Variants in INTS6 observed in about 807,000 individuals in gnomAD.
INTS6 encodes the protein DEAD box protein.
Under a neutral mutation model 104.9 loss-of-function variants are expected in INTS6, and 16 were observed. That is an observed-to-expected ratio of 0.15 (90% CI 0.10 to 0.23). The LOEUF (loss-of-function observed/expected upper bound fraction) is 0.23. Among genes scored for constraint, INTS6 ranks in the 10% least tolerant of loss-of-function variants. The pLI is 1.00. For missense variants in INTS6, 584 were observed against 1,062.8 expected, an observed-to-expected ratio of 0.55 and a Z score of 6.26; for synonymous variants, 324 against 358.7, an observed-to-expected ratio of 0.90 and a Z score of 1.09.
In INTS6 at chr13:51,452,032, G is replaced by A. The variant is rs749063138; in HGVS notation, c.135C>T (p.Ser45=). 20 of 1,609,856 alleles carry A rather than the reference G, an allele frequency of 1.2e-5. No homozygotes were observed. Among genetic ancestry groups the A allele is most frequent in the Admixed American group, 1.7e-5 (1 of 59,870 alleles). ...FMKLRARDPA[S]RGDRYMLVTF... ...TGACCAGCATATACCTGTCTCCTCT[G>A]CTGGCAGGGTCCCGGGCACGGAGCT... Residue 45 remains serine (S), a synonymous_variant, in exon 2 of 18, where the codon AGC becomes AGT. Coordinates refer to ENST00000311234, the MANE Select transcript of INTS6 (RefSeq NM_012141.3). The surrounding 1 kb of genome is among the most constrained non-coding windows in gnomAD (Gnocchi z 4.2).
intron 4 of INTS6, among the ~76,000 whole-genome samples, chr13:51,404,099 C>CAGAG (rs1197795949): frequency 1.5e-5 from 2 of 135,824 alleles, no homozygotes; most frequent in African/African-American, 5.7e-5. Context: ...CACACACACA[C>CAGAG]ACACAGAGAG....
chr13:51,382,784 G>GT (rs1219042246), intron 9 of INTS6, among the ~76,000 whole-genome samples: 2 of 152,110 alleles, frequency 1.3e-5, no homozygotes, highest in Non-Finnish European at 2.9e-5. Flanking sequence ...AATTTAAAAT[G>GT]TAATATCTTT....
At chr13:51,402,882 T>C (rs575425733) in intron 4 of INTS6, 12 of 152,036 alleles carry the variant, frequency 7.9e-5, no homozygotes, top group Non-Finnish European at 1.2e-4. Flanking sequence ...AAAAGTGCAA[T>C]TTCCTCTTTG....
At chr13:51,341,432 C>A in the INTS6 span, 1 of 1,264,020 alleles carries the variant, frequency 7.9e-7, no homozygotes, top group Non-Finnish European at 1.1e-6. Flanking sequence ...CTCACACTCA[C>A]ACTCACTCTC....
rs531469072 is a variant in INTS6, at chr13:51,423,925, T to C, written c.429+6369A>G. Among the ~76,000 whole-genome samples the C allele has an allele frequency of 2.0e-5, 3 of 152,202 alleles. No individual in the cohort carries two copies. In the East Asian group the frequency reaches 5.8e-4, roughly 29 times the overall value. On this transcript the variant is annotated intron_variant, in intron 4 of 17. Transcript: ENST00000311234. ...TGTACATCAGAATCACATGAGACAC[T>C]GTAAAAATACAGATTCCCAGGTCCT...
chr13:51,381,740 C>A (rs1956053809), intron 10 of INTS6, among the ~76,000 whole-genome samples: 1 of 150,678 alleles, frequency 6.6e-6, no homozygotes, highest in African/African-American at 2.5e-5. Context: ...CTCTTGTTGC[C>A]CAGGCTGGAT....
intron 11 of INTS6, among the ~76,000 whole-genome samples, chr13:51,378,810 T>C (rs1226330563): frequency 1.3e-5 from 2 of 152,196 alleles, no homozygotes; most frequent in East Asian, 3.9e-4. Context: ...TTTAAAATCA[T>C]CATTATGTAA....
intron 4 of INTS6, among the ~76,000 whole-genome samples, chr13:51,404,826 C>T (rs1284658649): frequency 6.6e-6 from 1 of 152,058 alleles, no homozygotes; most frequent in East Asian, 1.9e-4. Context: ...GATAAATATA[C>T]ACATTTTATT....
chr13:51,379,441 C>T, intron 11 of INTS6, 21 bp downstream of exon 11: 2 of 1,409,000 alleles, frequency 1.4e-6, no homozygotes, highest in Non-Finnish European at 2.0e-6. Flanking sequence ...CTTAATGGCT[C>T]ACTCTATTTC....
intron 9 of INTS6, among the ~76,000 whole-genome samples, chr13:51,383,076 G>A (rs1395997709): frequency 2.7e-5 from 4 of 150,808 alleles, no homozygotes; most frequent in East Asian, 2.0e-4. Context: ...GCGAGACTCC[G>A]TCCCCTCCCT....
intron 3 of INTS6, 187 bp downstream of exon 3, chr13:51,450,838 G>C (rs1363871376): frequency 1.6e-5 from 19 of 1,212,260 alleles, no homozygotes; most frequent in Non-Finnish European, 1.7e-5. Context: ...CATTTTAGAG[G>C]GGGAAAAAAT....
intron 13 of INTS6, among the ~76,000 whole-genome samples, chr13:51,375,476 TAA>T (rs35989339): frequency 4.1e-5 from 6 of 146,384 alleles, no homozygotes; most frequent in Admixed American, 1.3e-4. Context: ...TACAGTATGG[TAA>T]AAAAAAAAAA....
intron 4 of INTS6, chr13:51,421,136 C>G (rs1408308461): frequency 1.0e-6 from 1 of 985,708 alleles, no homozygotes; most frequent in Non-Finnish European, 1.2e-6. Flanking sequence ...CTGAGGCCTT[C>G]CGAGATGACT....
rs766091979 is a variant in INTS6 at position 51,389,312 on chromosome 13, A to G, written c.739+7T>C. On this transcript the variant is annotated splice_region_variant and intron_variant, in intron 6 of 17. Coordinates refer to ENST00000311234, the MANE Select transcript of INTS6 (RefSeq NM_012141.3). ...TTTGAATGTCTAAAAGAAAAGTGCAATAATACCTTCTACAGGGGAAGGATC... is the reference window on the plus strand; with the variant it reads ...TTTGAATGTCTAAAAGAAAAGTGCAGTAATACCTTCTACAGGGGAAGGATC... The G allele has an allele frequency of 1.1e-5, 17 of 1,607,828 alleles. No individual in the cohort carries two copies. Among genetic ancestry groups the G allele is most frequent in the South Asian group, 3.3e-5 (3 of 89,734 alleles).
intron 3 of INTS6, chr13:51,446,535 C>T (rs1193774737): frequency 6.6e-6 from 1 of 152,072 alleles, no homozygotes; most frequent in African/African-American, 2.4e-5. Context: ...ACAATATGAT[C>T]CTGTCATTTC....
At chr13:51,398,729 TAA>T (rs77125249) in intron 4 of INTS6, among the ~76,000 whole-genome samples, 18 of 126,402 alleles carry the variant, frequency 1.4e-4, no homozygotes, top group Non-Finnish European at 1.2e-4. Flanking sequence ...ATAAGATGTT[TAA>T]AAAAAAAAAA....
In INTS6 at chr13:51,378,349, T is replaced by C. The variant is rs1955975621; in HGVS notation, c.1492A>G (p.Arg498Gly). The C allele has an allele frequency of 1.2e-6, 2 of 1,613,516 alleles. No homozygotes were observed. Among genetic ancestry groups the C allele is most frequent in the Non-Finnish European group, 1.7e-6 (2 of 1,179,474 alleles). The change falls in exon 12 of 18, where the codon AGG (arginine) becomes GGG (glycine). Residue 498 changes from arginine to glycine, a missense_variant. Arg to Gly is a moderately radical substitution (Grantham distance 125, BLOSUM62 -2). Coordinates refer to ENST00000311234, the MANE Select transcript of INTS6 (RefSeq NM_012141.3). ...TGGAGGAGTTGTTGAAAATCTTTCC[T>C]ATATGCCATTGATAAACCATGTGAT... Reference protein sequence around the residue: ...SRSHGLSMAYRKDFQQLLQGI... With the variant: ...SRSHGLSMAYGKDFQQLLQGI...
intron 7 of INTS6, 45 bp downstream of exon 7, chr13:51,387,341 C>G: frequency 6.6e-7 from 1 of 1,514,476 alleles, no homozygotes; most frequent in Non-Finnish European, 8.9e-7. Context: ...ATAGGAAAGA[C>G]AGCTGAATGG....
At chr13:51,437,449 G>A (rs1952711856) in intron 3 of INTS6, 1 of 151,216 alleles carries the variant, frequency 6.6e-6, no homozygotes, top group Non-Finnish European at 1.5e-5. Flanking sequence ...CTACAAATAT[G>A]GTCTCAAAAA....
Sources: gnomAD v4.1 joint callset for allele counts (sites outside exome capture counted in the v4.1 genomes callset) on GRCh38, gnomAD v4.1.1 for gene constraint, Gnocchi (gnomAD v3.1) non-coding constraint, MANE v1.5 for transcripts, NCBI Gene and HGNC (gene_info 2026-07-23, HGNC 2026-07-21) for gene names.